Variants in SLC10A7 observed in about 807,000 individuals in gnomAD.
SLC10A7 encodes the protein sodium/bile acid cotransporter 7.
In SLC10A7, 29 loss-of-function variants were observed where a neutral mutation model predicts 43.2. The observed-to-expected ratio is 0.67, with a 90% confidence interval of 0.50 to 0.92. The LOEUF is 0.92. Ranked by LOEUF, SLC10A7 falls within the 40% of genes least tolerant of loss-of-function variation. The pLI, the probability that SLC10A7 is intolerant of heterozygous loss-of-function variation, is 0.00. For missense variants in SLC10A7, 295 were observed against 403.2 expected, an observed-to-expected ratio of 0.73 and a Z score of 2.30; for synonymous variants, 152 against 144.8, an observed-to-expected ratio of 1.05 and a Z score of -0.35.
chr4:146,303,713 G>C (rs2149678243), intron 7 of SLC10A7, among the ~76,000 whole-genome samples: 1 of 152,168 alleles, frequency 6.6e-6, no homozygotes, highest in East Asian at 1.9e-4. Context: ...ATATTTCAAA[G>C]ACTTGTTTCC....
At chr4:146,401,480 C>A (rs140575637) in intron 5 of SLC10A7, among the ~76,000 whole-genome samples, 1 of 152,266 alleles carries the variant, frequency 6.6e-6, no homozygotes, top group East Asian at 1.9e-4. Flanking sequence ...GCCCAGGAGA[C>A]CTGCATAACC....
At chr4:146,394,301 A>G (rs1282925750) in intron 5 of SLC10A7, among the ~76,000 whole-genome samples, 1 of 152,202 alleles carries the variant, frequency 6.6e-6, no homozygotes, top group African/African-American at 2.4e-5. Flanking sequence ...AACAAAATCA[A>G]TAGGTATTGT....
intron 3 of SLC10A7, among the ~76,000 whole-genome samples, chr4:146,508,981 T>C (rs1259639733): frequency 1.3e-5 from 2 of 152,210 alleles, no homozygotes; most frequent in Non-Finnish European, 2.9e-5. Context: ...GCTGCTTTAC[T>C]GACTGGAAAA....
chr4:146,347,215 T>C (rs1386420142), intron 5 of SLC10A7, among the ~76,000 whole-genome samples: 1 of 151,916 alleles, frequency 6.6e-6, no homozygotes, highest in Non-Finnish European at 1.5e-5. Context: ...TCGTGGTGCT[T>C]AGAGGAAAAG....
chr4:146,273,576 A>G (rs913942565), intron 10 of SLC10A7, among the ~76,000 whole-genome samples: 3 of 152,114 alleles, frequency 2.0e-5, no homozygotes, highest in African/African-American at 7.2e-5. Context: ...CCTGGCATAG[A>G]GTGAGCATCC....
chr4:146,443,366 A>G (rs1032007743), intron 4 of SLC10A7, among the ~76,000 whole-genome samples: 4 of 152,206 alleles, frequency 2.6e-5, no homozygotes, highest in African/African-American at 7.2e-5. Context: ...GGTAAAGAAA[A>G]GCAAGAAAAG....
chr4:146,290,181 A>G (rs535864371), intron 9 of SLC10A7, among the ~76,000 whole-genome samples: 111 of 151,184 alleles, frequency 7.3e-4, no homozygotes, highest in South Asian at 2.3e-3. Context: ...AAAATTAGCC[A>G]GGCGTGGTGG....
At chr4:146,438,440 G>C (rs555831082) in intron 5 of SLC10A7, among the ~76,000 whole-genome samples, 5 of 152,100 alleles carry the variant, frequency 3.3e-5, no homozygotes, top group African/African-American at 1.2e-4. Flanking sequence ...TAGATGTTTT[G>C]AATTTACAAG....
At chr4:146,306,873 G>A (rs756237143) in intron 6 of SLC10A7, among the ~76,000 whole-genome samples, 50 of 152,086 alleles carry the variant, frequency 3.3e-4, no homozygotes, top group Non-Finnish European at 1.8e-4. Flanking sequence ...CCAAACCATC[G>A]ATAATTGGCC....
intron 5 of SLC10A7, among the ~76,000 whole-genome samples, chr4:146,427,453 C>A (rs367767470): frequency 7.2e-4 from 110 of 152,122 alleles, no homozygotes; most frequent in African/African-American, 2.5e-3. Context: ...GGAAATTTAA[C>A]CTTTTGACTT....
At chr4:146,487,032 A>G (rs1315320176) in intron 4 of SLC10A7, among the ~76,000 whole-genome samples, 1 of 152,210 alleles carries the variant, frequency 6.6e-6, no homozygotes, top group African/African-American at 2.4e-5. Context: ...TCCTGCTCCC[A>G]GTGCAGGTAA....
intron 5 of SLC10A7, among the ~76,000 whole-genome samples, chr4:146,362,733 A>T (rs1736135249): frequency 6.6e-6 from 1 of 152,086 alleles, no homozygotes; most frequent in Non-Finnish European, 1.5e-5. Flanking sequence ...AATTTAAAGC[A>T]TGAGATTTTT....
chr4:146,492,272 A>G (rs1339950140), intron 4 of SLC10A7, among the ~76,000 whole-genome samples: 1 of 152,126 alleles, frequency 6.6e-6, no homozygotes, highest in Non-Finnish European at 1.5e-5. Flanking sequence ...TTGTAATGCA[A>G]GTAAACTAAC....
chr4:146,404,519 T>C lies in SLC10A7; in HGVS notation c.435+38264A>G, dbSNP rs564873920. On this transcript the variant is annotated intron_variant, in intron 5 of 11. Coordinates refer to ENST00000335472, the MANE Select transcript of SLC10A7 (RefSeq NM_001029998.6). ...GTGTGTGTGTGTGTGTGTGTGTGAC[T>C]GGTTTAAGATCTTTGTTCATTTTTC... Among the ~76,000 whole-genome samples, 5 of 150,574 alleles carry C rather than the reference T, an allele frequency of 3.3e-5. No homozygotes were observed. In the South Asian group the frequency reaches 6.3e-4, roughly 19 times the overall value.
chr4:146,504,320 C>A (rs1304330510), intron 3 of SLC10A7, among the ~76,000 whole-genome samples: 1 of 151,886 alleles, frequency 6.6e-6, no homozygotes, highest in Non-Finnish European at 1.5e-5. Flanking sequence ...GAGATCGAGA[C>A]CATCCTGGCT....
rs572602763 is a variant in SLC10A7, at chr4:146,283,068, T to C, written c.847+124A>G. On this transcript the variant is annotated intron_variant, in intron 10 of 11. Coordinates refer to ENST00000335472, the MANE Select transcript of SLC10A7 (RefSeq NM_001029998.6). ...TGACCCACCCTCACTTTGCTACTGT[T>C]CCTTATCTAATAGTGTGGACAACAC... 80 of 708,522 alleles carry C rather than the reference T, an allele frequency of 1.1e-4. No individual in the cohort carries two copies. In the East Asian group the frequency reaches 2.1e-3, roughly 18 times the overall value. The allele number at this position is 708,522 out of a possible 1,614,324, so 43.9% of individuals were successfully genotyped here.
chr4:146,261,551 G>A (rs1425010543), intron 10 of SLC10A7, among the ~76,000 whole-genome samples: 1 of 152,084 alleles, frequency 6.6e-6, no homozygotes, highest in Non-Finnish European at 1.5e-5. Context: ...TTTCCTGACG[G>A]ACCCTGGTTG....
intron 4 of SLC10A7, among the ~76,000 whole-genome samples, chr4:146,475,721 T>C (rs1733963957): frequency 6.6e-6 from 1 of 152,112 alleles, no homozygotes; most frequent in Non-Finnish European, 1.5e-5. Context: ...ACTACAGAAA[T>C]TGATCAAACA....
chr4:146,282,086 C>CGA lies in SLC10A7; in HGVS notation c.847+1105_847+1106insTC, dbSNP rs1201054042. ...GGAAGTTAATTGATTTGTCTAAGGT[C>CGA]ACAAAATTAGGATTGGAATATGGTT... On this transcript the variant is annotated intron_variant, in intron 10 of 11. Transcript: ENST00000335472. Among the ~76,000 whole-genome samples, 4 of 152,202 alleles carry CGA rather than the reference C, an allele frequency of 2.6e-5. No individual in the cohort carries two copies. In the East Asian group the frequency reaches 7.7e-4, roughly 29 times the overall value.
Sources: allele counts gnomAD v4.1 joint callset (sites outside exome capture counted in the v4.1 genomes callset), GRCh38; gene constraint gnomAD v4.1.1; transcripts MANE v1.5; gene names NCBI Gene and HGNC (gene_info 2026-07-23, HGNC 2026-07-21).